LRBA: variants seen among roughly 807,000 people sequenced by gnomAD.
The protein encoded by LRBA is lipopolysaccharide-responsive and beige-like anchor protein.
Under a neutral mutation model 330.0 loss-of-function variants are expected in LRBA, and 176 were observed. That is an observed-to-expected ratio of 0.53 (90% CI 0.47 to 0.60). The LOEUF is 0.60. Ranked by LOEUF, LRBA falls within the 20% of genes least tolerant of loss-of-function variation. The probability of loss-of-function intolerance (pLI) is 0.00; values close to 1 mark genes in which losing one functional copy is unlikely to be tolerated. For synonymous variants in LRBA, 1,230 were observed against 1,193.0 expected, an observed-to-expected ratio of 1.03 and a Z score of -0.64; for missense variants, 3,259 against 3,444.8, an observed-to-expected ratio of 0.95 and a Z score of 1.35.
At chr4:150,516,215 CTCTTTTTTTTTTTTT>C (rs1186278621) in intron 40 of LRBA, among the ~76,000 whole-genome samples, 49 of 86,676 alleles carry the variant, frequency 5.7e-4, no homozygotes, top group Non-Finnish European at 8.2e-4. Flanking sequence ...ATTTTCTATT[CTCTTTTTTTTTTTTT>C]TTTTTTTTTT....
chr4:150,321,402 A>C lies in LRBA; in HGVS notation c.7453-34T>G, dbSNP rs1352913085. ...GGAGATACTGTTGAGTGGGCATGAC[A>C]AGACCCAAATAGACAAGAAGGAAAA... On this transcript the variant is annotated intron_variant, in intron 49 of 56. Transcript: ENST00000651943. This position sits in a 1 kb window ranked among gnomAD's most constrained non-coding sequence, Gnocchi z 4.5. 6 of 1,518,868 alleles carry C rather than the reference A, an allele frequency of 4.0e-6. No individual in the cohort carries two copies. Among genetic ancestry groups the C allele is most frequent in the Non-Finnish European group, 5.3e-6 (6 of 1,138,858 alleles). The allele number at this position is 1,518,868 out of a possible 1,614,324, so 94.1% of individuals were successfully genotyped here. A position where few individuals can be genotyped will look rare whatever the true frequency, so the allele number is the denominator to read the frequency against.
At chr4:150,528,515 A>T (rs1763719875) in intron 40 of LRBA, among the ~76,000 whole-genome samples, 1 of 147,034 alleles carries the variant, frequency 6.8e-6, no homozygotes, top group South Asian at 2.2e-4. Context: ...AAAAAAAAAA[A>T]GTGATACTTT....
rs11455731 is a variant in LRBA, at chr4:150,940,239, T to TAA, written c.217-11176_217-11175dup. Among the ~76,000 whole-genome samples, 891 of 142,404 alleles carry TAA rather than the reference T, an allele frequency of 6.3e-3. 7 individuals carry two copies. Among genetic ancestry groups the TAA allele is most frequent in the Admixed American group, 0.015 (219 of 14,348 alleles). The allele number at this position is 142,404 out of a possible 152,430, so 93.4% of individuals were successfully genotyped here. A position where few individuals can be genotyped will look rare whatever the true frequency, so the allele number is the denominator to read the frequency against. On this transcript the variant is annotated intron_variant, in intron 2 of 56. Transcript: ENST00000651943. ...GGCAACATAGCAAGACCTGGTCTCT[T>TAA]AAAAAAAAAAAAAAATAGCCTGGCA...
intron 28 of LRBA, among the ~76,000 whole-genome samples, 158 bp downstream of exon 28, chr4:150,843,942 T>G (rs1006931900): frequency 1.3e-5 from 2 of 152,162 alleles, no homozygotes; most frequent in Non-Finnish European, 2.9e-5. Context: ...TTTCTAATAT[T>G]CTGTTTCTAA....
intron 52 of LRBA, 143 bp downstream of exon 52, chr4:150,310,086 G>T: frequency 1.7e-6 from 1 of 586,068 alleles, no homozygotes; most frequent in Non-Finnish European, 3.0e-6. Context: ...TATTTGAAGA[G>T]GGAAAACAAT....
intron 44 of LRBA, among the ~76,000 whole-genome samples, chr4:150,467,262 G>C (rs1326067991): frequency 3.3e-5 from 5 of 152,026 alleles, no homozygotes; most frequent in Non-Finnish European, 5.9e-5. Flanking sequence ...TCAATATTTT[G>C]AAAACTGTTA....
Position 150,436,777 on chromosome 4 carries a change from A to C in LRBA, c.6868T>G (p.Tyr2290Asp). 1 of 1,613,604 alleles carries C rather than the reference A, an allele frequency of 6.2e-7. No individual in the cohort carries two copies. Reference sequence around the variant, plus strand: ...CTTGCAGTTGAGTAATGAGTACCATAGTGAAACTTTGGAACTTGATCATCT... The same window carrying C: ...CTTGCAGTTGAGTAATGAGTACCATCGTGAAACTTTGGAACTTGATCATCT... ...WEDDQVPKFH[Y>D]GTHYSTASFV... Residue 2290 changes from tyrosine (Y) to aspartate (D), a missense_variant, in exon 45 of 57, where the codon TAT becomes GAT. Transcript: ENST00000651943.
intron 44 of LRBA, among the ~76,000 whole-genome samples, chr4:150,465,627 A>C (rs1057379218): frequency 6.6e-6 from 1 of 152,062 alleles, no homozygotes; most frequent in South Asian, 2.1e-4. Context: ...GTTCATTTTC[A>C]TCTCATTGGC....
intron 52 of LRBA, among the ~76,000 whole-genome samples, chr4:150,303,074 T>TA (rs1729880232): frequency 6.6e-6 from 1 of 152,224 alleles, no homozygotes; most frequent in Non-Finnish European, 1.5e-5. Flanking sequence ...ATGGCTTCTA[T>TA]AAATTACAAA....
chr4:150,937,269 C>T lies in LRBA; in HGVS notation c.217-8204G>A, dbSNP rs139747717. Among the ~76,000 whole-genome samples the T allele has an allele frequency of 1.2e-3, 188 of 152,146 alleles. 1 individual carries two copies. Among genetic ancestry groups the T allele is most frequent in the African/African-American group, 4.2e-3 (175 of 41,526 alleles). ...AACATGCACAGGGTCTACAGTATGT[C>T]ATGTTAACCCTTTCTAATAGTTATT... is the stretch of plus-strand genomic sequence containing the variant. On this transcript the variant is annotated intron_variant, in intron 2 of 56. Coordinates refer to ENST00000651943, the MANE Select transcript of LRBA (RefSeq NM_001364905.1).
intron 17 of LRBA, among the ~76,000 whole-genome samples, chr4:150,891,538 G>A (rs552902783): frequency 6.3e-4 from 96 of 152,240 alleles, no homozygotes; most frequent in Non-Finnish European, 1.0e-3. Context: ...ACAGAAAAAA[G>A]CCTAACTGCC....
rs141032150 is a variant in LRBA, at chr4:150,554,035, C to G, written c.6330+34013G>C. On this transcript the variant is annotated intron_variant, in intron 40 of 56. Transcript: ENST00000651943. Reference sequence around the variant, plus strand: ...TTCTAAAGGATGTCTAGTGATAAACCTTGCCAAAACTAGTGAGAAACCTTG... The same window carrying G: ...TTCTAAAGGATGTCTAGTGATAAACGTTGCCAAAACTAGTGAGAAACCTTG... Among the ~76,000 whole-genome samples, 345 of 152,266 alleles carry G rather than the reference C, an allele frequency of 2.3e-3. 2 individuals carry two copies. Among genetic ancestry groups the G allele is most frequent in the Non-Finnish European group, 3.6e-3 (245 of 68,026 alleles).
At chr4:150,738,849 G>T (rs1257214748) in intron 35 of LRBA, among the ~76,000 whole-genome samples, 1 of 146,306 alleles carries the variant, frequency 6.8e-6, no homozygotes, top group African/African-American at 2.5e-5. Flanking sequence ...TAGCTCAGAA[G>T]AAGGAAAAAA....
intron 47 of LRBA, among the ~76,000 whole-genome samples, chr4:150,384,029 ATTTT>A (rs1742686086): frequency 6.7e-6 from 1 of 150,186 alleles, no homozygotes; most frequent in Non-Finnish European, 1.5e-5. Context: ...TTTTATTTTT[ATTTT>A]TTATTTATTT....
In LRBA at chr4:150,897,802, A is replaced by T. The variant is rs1203361326; in HGVS notation, c.1941T>A (p.Asn647Lys). The T allele has an allele frequency of 6.2e-7, 1 of 1,611,692 alleles. No individual in the cohort carries two copies. The highest frequency in any genetic ancestry group is 8.5e-7 in the Non-Finnish European group (1 of 1,178,424). Residue 647 changes from asparagine (N) to lysine (K), a missense_variant, in exon 15 of 57, where the codon AAT (asparagine) becomes AAA (lysine). By Grantham distance (94) the Asn-to-Lys change is moderately conservative. Coordinates refer to ENST00000651943, the MANE Select transcript of LRBA (RefSeq NM_001364905.1). ...TPKGLDGPRP[N>K]QKEMLSLRAF... Reference sequence around the variant, plus strand: ...CTCGTAGAGAAAGCATTTCTTTTTGATTAGGTCGCGGTCCATCTTTTAAAA... The same window carrying T: ...CTCGTAGAGAAAGCATTTCTTTTTGTTTAGGTCGCGGTCCATCTTTTAAAA...
Position 150,862,213 on chromosome 4 carries a change from A to G in LRBA, c.2766+5458T>C, listed in dbSNP as rs1463807859. Among the ~76,000 whole-genome samples, 10 of 152,238 alleles carry G rather than the reference A, an allele frequency of 6.6e-5. No individual in the cohort carries two copies. The East Asian group carries it at 1.9e-3, about 29-fold the overall frequency. On this transcript the variant is annotated intron_variant, in intron 22 of 56. Transcript: ENST00000651943. Reference sequence around the variant, plus strand: ...CCAAAGGATTATAAATCATGCTGTTATAAAGCACATGCACACGTATGTTTA... The same window carrying G: ...CCAAAGGATTATAAATCATGCTGTTGTAAAGCACATGCACACGTATGTTTA...
intron 47 of LRBA, among the ~76,000 whole-genome samples, chr4:150,364,882 C>G (rs1218254394): frequency 6.6e-6 from 1 of 151,690 alleles, no homozygotes; most frequent in African/African-American, 2.4e-5. Flanking sequence ...TTCTAGGCCT[C>G]TTTTTCATTA....
chr4:150,678,635 T>G (rs542277812), intron 37 of LRBA, among the ~76,000 whole-genome samples: 2 of 152,280 alleles, frequency 1.3e-5, no homozygotes, highest in Non-Finnish European at 2.9e-5. Flanking sequence ...CCTCTCCTTC[T>G]TATGAAAGGG....
chr4:151,004,369 A>G lies in LRBA; in HGVS notation c.216+10058T>C, dbSNP rs114969586. The stretch of plus-strand genomic sequence containing the variant: ...AATCACTGCAATACTGCCGCAATCA[A>G]TCTGATAACGGAGACGGCAACTGAC... On this transcript the variant is annotated intron_variant, in intron 2 of 56. Coordinates refer to ENST00000651943, the MANE Select transcript of LRBA (RefSeq NM_001364905.1). 2.3e-3 allele frequency among the ~76,000 whole-genome samples: 349 copies of G among 152,330 alleles called. 2 individuals carry two copies. The highest frequency in any genetic ancestry group is 7.9e-3 in the African/African-American group (329 of 41,570).
Sources: gnomAD v4.1 joint callset for allele counts (sites outside exome capture counted in the v4.1 genomes callset) on GRCh38, gnomAD v4.1.1 for gene constraint, Gnocchi (gnomAD v3.1) non-coding constraint, MANE v1.5 for transcripts, NCBI Gene and HGNC (gene_info 2026-07-23, HGNC 2026-07-21) for gene names.